The following CSNK1G2 variants were observed in gnomAD, a reference collection of about 807,000 sequenced individuals.
CSNK1G2 encodes the protein casein kinase I isoform gamma-2.
In CSNK1G2, 11 loss-of-function variants were observed where a neutral mutation model predicts 48.0. The ratio of observed to expected loss-of-function variants is 0.23; its 90% confidence interval spans 0.14 to 0.38. The LOEUF (loss-of-function observed/expected upper bound fraction) is 0.38, where lower values mean the gene tolerates loss of function less well. CSNK1G2 is among the 10% of genes least tolerant of loss of function. The pLI is 1.00. For synonymous variants in CSNK1G2, 337 were observed against 254.1 expected, an observed-to-expected ratio of 1.33 and a Z score of -3.10; for missense variants, 446 against 595.5, an observed-to-expected ratio of 0.75 and a Z score of 2.61.
At chr19:1,974,264 C>T (rs932617937) in intron 2 of CSNK1G2, among the ~76,000 whole-genome samples, 1 of 152,108 alleles carries the variant, frequency 6.6e-6, no homozygotes, top group Non-Finnish European at 1.5e-5. Flanking sequence ...TTGAGGGTGG[C>T]GTCTGGCAAA....
chr19:1,955,177 G>A (rs1004188171), intron 1 of CSNK1G2, among the ~76,000 whole-genome samples: 6 of 152,132 alleles, frequency 3.9e-5, no homozygotes, highest in African/African-American at 1.2e-4. Context: ...CTGCGCCCTC[G>A]GAAGCTGCTG....
intron 1 of CSNK1G2, chr19:1,952,818 T>C: frequency 3.0e-6 from 1 of 328,272 alleles, no homozygotes; most frequent in Non-Finnish European, 6.1e-6. Context: ...CGCCTAGGGC[T>C]CCCCGGGGAG....
intron 1 of CSNK1G2, among the ~76,000 whole-genome samples, chr19:1,969,133 G>A (rs2015477997): frequency 6.6e-6 from 1 of 152,170 alleles, no homozygotes; most frequent in Admixed American, 6.5e-5. Context: ...CTGTGTCTGG[G>A]GGTGCGACTG....
intron 1 of CSNK1G2, among the ~76,000 whole-genome samples, chr19:1,947,964 C>T (rs1278513566): frequency 1.1e-4 from 2 of 17,738 alleles, no homozygotes; most frequent in Non-Finnish European, 1.7e-4. Flanking sequence ...GTCAGCTCGT[C>T]CTCGTGCCCG....
In CSNK1G2 at chr19:1,979,290, G is replaced by T. The variant is rs778124414; in HGVS notation, c.769-29G>T. The T allele has an allele frequency of 1.9e-6, 3 of 1,580,172 alleles. No individual in the cohort carries two copies. In the Admixed American group the frequency reaches 5.5e-5, roughly 29 times the overall value. The stretch of plus-strand genomic sequence containing the variant: ...GGCAGGCGGGCGGGGACGCAGGGCG[G>T]GAGCAAGGCTGACCACAGACCCCCG... On this transcript the variant is annotated intron_variant, in intron 7 of 11. Coordinates refer to ENST00000255641, the MANE Select transcript of CSNK1G2 (RefSeq NM_001319.7).
At chr19:1,971,801 G>T (rs1489610470) in intron 2 of CSNK1G2, among the ~76,000 whole-genome samples, 1 of 135,330 alleles carries the variant, frequency 7.4e-6, no homozygotes, top group Non-Finnish European at 1.5e-5. Context: ...ACGGAGTCTC[G>T]CTCGGTCACC....
intron 1 of CSNK1G2, among the ~76,000 whole-genome samples, chr19:1,966,456 T>G (rs1599313256): frequency 6.6e-6 from 1 of 151,814 alleles, no homozygotes; most frequent in South Asian, 2.1e-4. Context: ...ACGTGAGGAG[T>G]TGCCTCTGAA....
Position 1,978,819 on chromosome 19 carries a change from C to T in CSNK1G2, c.448-40C>T, listed in dbSNP as rs749207815. The T allele has an allele frequency of 1.1e-5, 17 of 1,587,650 alleles. No homozygotes were observed. Among genetic ancestry groups the T allele is most frequent in the Admixed American group, 1.7e-5 (1 of 58,354 alleles). ...TGGCCCTGGAGGGGAGCGCGTGGGA[C>T]GGGGAGGGGCCCGGCCGACACCGCC... On this transcript the variant is annotated intron_variant, in intron 5 of 11. Coordinates refer to ENST00000255641, the MANE Select transcript of CSNK1G2 (RefSeq NM_001319.7). The surrounding 1 kb of genome is among the most constrained non-coding windows in gnomAD (Gnocchi z 7.3).
chr19:1,975,040 C>T (rs1277704295), intron 2 of CSNK1G2: 8 of 983,936 alleles, frequency 8.1e-6, no homozygotes, highest in Non-Finnish European at 9.7e-6. Context: ...ACCCACCCAG[C>T]ACACACCCAG....
chr19:1,947,947 C>G (rs187266302), intron 1 of CSNK1G2, among the ~76,000 whole-genome samples: 1 of 79,096 alleles, frequency 1.3e-5, no homozygotes, highest in African/African-American at 5.9e-5. Flanking sequence ...TCCTGGGGCC[C>G]CCATGAGTCA....
intron 1 of CSNK1G2, chr19:1,953,312 T>C: frequency 1.9e-6 from 1 of 516,274 alleles, no homozygotes. Context: ...GAAGCAGAGC[T>C]GAGGCTGCTG....
chr19:1,951,091 C>T (rs903414304), intron 1 of CSNK1G2, among the ~76,000 whole-genome samples: 4 of 145,264 alleles, frequency 2.8e-5, no homozygotes, highest in African/African-American at 1.1e-4. Context: ...ACACTTTCTA[C>T]CGTTTGCTGG....
chr19:1,969,531 G>A lies in CSNK1G2; in HGVS notation c.-242G>A, dbSNP rs77450276. The A allele has an allele frequency of 4.2e-4, 145 of 341,998 alleles. 1 individual carries two copies. Among genetic ancestry groups the A allele is most frequent in the African/African-American group, 2.7e-3 (127 of 47,408 alleles). The allele number at this position is 341,998 out of a possible 1,614,324, so 21.2% of individuals were successfully genotyped here. A position where few individuals can be genotyped will look rare whatever the true frequency, so the allele number is the denominator to read the frequency against. Reference sequence around the variant, plus strand: ...AGCTGTGAGCCGTGAGCTTTGAGGCGGTGGGATGTGTCAGCAGAATGTCTC... The same window carrying A: ...AGCTGTGAGCCGTGAGCTTTGAGGCAGTGGGATGTGTCAGCAGAATGTCTC... On this transcript the variant is annotated 5_prime_UTR_variant, in exon 2 of 12. Transcript: ENST00000255641.
chr19:1,979,430 GT>G, intron 8 of CSNK1G2, 27 bp downstream of exon 8: 3 of 1,507,462 alleles, frequency 2.0e-6, no homozygotes, highest in East Asian at 2.5e-5. Flanking sequence ...CCCCCGCCCT[GT>G]GCCCCCCACC....
intron 2 of CSNK1G2, among the ~76,000 whole-genome samples, chr19:1,971,201 T>G (rs2015557652): frequency 6.6e-6 from 1 of 152,246 alleles, no homozygotes; most frequent in Non-Finnish European, 1.5e-5. Flanking sequence ...CGAGGGCAGC[T>G]GTTGGGGTCA....
intron 1 of CSNK1G2, among the ~76,000 whole-genome samples, chr19:1,964,942 G>GAC (rs2015317565): frequency 1.3e-5 from 2 of 150,846 alleles, no homozygotes; most frequent in Admixed American, 6.6e-5. Context: ...TAGCCAGGAT[G>GAC]GTCTCGATCT....
At position 1,979,814 on chromosome 19, in the gene CSNK1G2, C is replaced by T. The variant is rs745969900; in HGVS notation, c.1065C>T (p.Thr355=). 6 of 1,607,056 alleles carry T rather than the reference C, an allele frequency of 3.7e-6. No homozygotes were observed. The highest frequency in any genetic ancestry group is 4.2e-6 in the Non-Finnish European group (5 of 1,177,882). ...CCCAGCCTCAGCTCCGGGACAAAAC[C>T]CAGCCGCACAGCAAAAACCAGGTGA... ...LPSQPQLRDK[T]QPHSKNQALN... Residue 355 remains threonine (T), a synonymous_variant, in exon 10 of 12, where the codon ACC becomes ACT. Transcript: ENST00000255641.
intron 1 of CSNK1G2, among the ~76,000 whole-genome samples, chr19:1,948,762 G>C (rs184269659): frequency 1.3e-5 from 2 of 152,166 alleles, no homozygotes; most frequent in Admixed American, 1.3e-4. Context: ...AAATACCCTC[G>C]TATAGCTTTC....
chr19:1,941,644 C>T (rs1452442836), intron 1 of CSNK1G2, among the ~76,000 whole-genome samples: 6 of 149,318 alleles, frequency 4.0e-5, no homozygotes, highest in Non-Finnish European at 4.5e-5. Flanking sequence ...TGACCCTGCA[C>T]TCGGGACCCC....
Sources: gnomAD v4.1 joint callset for allele counts (sites outside exome capture counted in the v4.1 genomes callset) on GRCh38, gnomAD v4.1.1 for gene constraint, Gnocchi (gnomAD v3.1) non-coding constraint, MANE v1.5 for transcripts, NCBI Gene and HGNC (gene_info 2026-07-23, HGNC 2026-07-21) for gene names.